NDST2: variants seen among roughly 807,000 people sequenced by gnomAD.
NDST2 encodes bifunctional heparan sulfate N-deacetylase/N-sulfotransferase 2.
A neutral mutation model predicts 86.9 loss-of-function variants in NDST2; 32 were observed. That is an observed-to-expected ratio of 0.37 (90% confidence interval 0.28 to 0.49). The LOEUF is 0.49. Ranked by LOEUF, NDST2 falls within the 20% of genes least tolerant of loss-of-function variation. The pLI is 0.97. For synonymous variants in NDST2, 409 were observed against 437.0 expected (o/e 0.94, Z 0.80); for missense variants, 950 against 1,146.9 (o/e 0.83, Z 2.48).
chr10:73,803,943 A>C lies in NDST2; in HGVS notation c.1917T>G (p.Phe639Leu). The change falls in exon 10 of 15, where the codon TTT (phenylalanine) becomes TTG (leucine). Residue 639 changes from phenylalanine to leucine, a missense_variant. By Grantham distance (22) the Phe-to-Leu change is conservative. Around this residue, in one of 5 missense-constraint regions of NDST2, gnomAD observed 303 missense variants for 323.7 expected, o/e 0.94. Transcript: ENST00000309979. ...GGCTGTTGAAGAACTGAATCTCCTC[A>C]AATGTGCTGGGGCTAGGGAAGCTGC... ...VTSSFPSPST[F>L]EEIQFFNSPN... 6.2e-7 allele frequency: 1 copy of C among 1,614,150 alleles called. No individual in the cohort carries two copies. Among genetic ancestry groups the C allele is most frequent in the Non-Finnish European group, 8.5e-7 (1 of 1,180,024 alleles).
intron 2 of NDST2, chr10:73,809,147 C>T (rs1204352557): frequency 2.6e-5 from 4 of 152,204 alleles, no homozygotes; most frequent in Non-Finnish European, 5.9e-5. Context: ...CGGAAAGCCC[C>T]GGAAGTCTTC....
At chr10:73,810,182 G>C (rs1200168712) in intron 2 of NDST2, among the ~76,000 whole-genome samples, 2 of 152,184 alleles carry the variant, frequency 1.3e-5, no homozygotes, top group East Asian at 3.8e-4. Flanking sequence ...GTTCAGGACA[G>C]GCGTGGTGCC....
intron 2 of NDST2, among the ~76,000 whole-genome samples, chr10:73,809,592 G>C (rs572833893): frequency 1.3e-5 from 2 of 152,290 alleles, no homozygotes; most frequent in African/African-American, 4.8e-5. Flanking sequence ...ATGAGGTATT[G>C]AGTCCAGTTA....
intron 9 of NDST2, 38 bp from the exon 10 acceptor site, chr10:73,804,054 GT>G: frequency 6.2e-7 from 1 of 1,607,856 alleles, no homozygotes; most frequent in Non-Finnish European, 8.5e-7. Context: ...GGCAGCCATT[GT>G]GGGAGGGAAG....
rs554613597 is a variant in NDST2 at position 73,802,137 on chromosome 10, C to T, written c.*314G>A. On this transcript the variant is annotated 3_prime_UTR_variant, in exon 15 of 15. Transcript: ENST00000309979. ...CAGGTATAGAATAGATACACTGCTG[C>T]GGATGAAGAGGGAAATCTCATTGGA... The T allele has an allele frequency of 2.1e-4, 95 of 452,466 alleles. No homozygotes were observed. In the Middle Eastern group the frequency reaches 2.4e-3, roughly 12 times the overall value. 28.0% of individuals were successfully genotyped at this position (452,466 alleles called of 1,614,324 possible).
rs375707657 is a variant in NDST2, at chr10:73,806,026, C to T, written c.1437G>A (p.Val479=). 7 of 1,612,062 alleles carry T rather than the reference C, an allele frequency of 4.3e-6. No individual in the cohort carries two copies. The highest frequency in any genetic ancestry group is 1.3e-5 in the African/African-American group (1 of 74,706). The change falls in exon 7 of 15, where the codon GTG becomes GTA. Residue 479 remains valine (V), a splice_region_variant and synonymous_variant. Coordinates refer to ENST00000309979, the MANE Select transcript of NDST2 (RefSeq NM_003635.4). The surrounding 1 kb of genome is among the most constrained non-coding windows in gnomAD (Gnocchi z 4.5). ...RRGFIHNGIM[V]LPRQTCGLFT... is the part of the protein sequence containing the mutation. ...AGAGGCCACATGTCTGCCGGGGCAG[C>T]ACCTGGAGGGAAAAGAAAAAACAGA... is the stretch of plus-strand genomic sequence containing the variant.
Position 73,803,028 on chromosome 10 carries a change from C to G in NDST2, c.2367G>C (p.Glu789Asp), listed in dbSNP as rs748161399. The G allele has an allele frequency of 6.8e-6, 11 of 1,614,222 alleles. No individual in the cohort carries two copies. The East Asian group carries it at 2.0e-4, about 29-fold the overall frequency. ...TGATACCCAGGAACTTCTGGATGCT[C>G]TCCATTGAGGCTGCTGGGTTGGTAC... ...ELRTNPAASM[E>D]SIQKFLGITP... Residue 789 changes from glutamate to aspartate, a missense_variant, in exon 13 of 15, where the codon GAG becomes GAC. Around this residue, in one of 5 missense-constraint regions of NDST2, gnomAD observed 303 missense variants for 323.7 expected, o/e 0.94. Transcript: ENST00000309979.
At position 73,807,988 on chromosome 10, in the gene NDST2, C is replaced by A. The variant is rs774379199; in HGVS notation, c.401G>T (p.Arg134Leu). 1.9e-6 allele frequency: 3 copies of A among 1,614,112 alleles called. No homozygotes were observed. The highest frequency in any genetic ancestry group is 1.7e-5 in the Admixed American group (1 of 60,014). Residue 134 changes from arginine (R) to leucine (L), a missense_variant, in exon 3 of 15, where the codon CGC (arginine) becomes CTC (leucine). Around this residue, in one of 5 missense-constraint regions of NDST2, gnomAD observed 586 missense variants for 714.0 expected, o/e 0.82. Transcript: ENST00000309979. ...GTTCTCATAAATGACCAAGACATAG[C>A]GGCCATGGGTATTATCAGTCAATGT... The part of the protein sequence containing the change: ...MPTLTDNTHG[R>L]YVLVIYENLL...
intron 1 of NDST2, 90 bp from the exon 2 acceptor site, chr10:73,810,993 G>GT (rs2132883481): frequency 2.5e-6 from 1 of 397,272 alleles, no homozygotes; most frequent in East Asian, 3.6e-5. Flanking sequence ...GCTGGGCGGG[G>GT]TGGGTGTGTG....
At position 73,806,522 on chromosome 10, in the gene NDST2, T is replaced by TAG; in HGVS notation, c.1249-50_1249-49dup. ...CCAGGACCTGGTGAGGTTTGGGGAG[T>TAG]AGAGGGTAAAGAGGGTGGGGAAGCC... On this transcript the variant is annotated intron_variant, in intron 5 of 14. Transcript: ENST00000309979. The surrounding 1 kb of genome is among the most constrained non-coding windows in gnomAD (Gnocchi z 4.5). The TAG allele has an allele frequency of 6.4e-7, 1 of 1,551,094 alleles. No individual in the cohort carries two copies. Among genetic ancestry groups the TAG allele is most frequent in the East Asian group, 2.3e-5 (1 of 44,150 alleles).
Position 73,806,320 on chromosome 10 carries a change from T to C in NDST2, c.1403A>G (p.Tyr468Cys), listed in dbSNP as rs1004501714. ...GCCATTGTGAATGAAGCCACGGCGG[T>C]AGCGGGCAGGGCGGAGATGGGGATA... is the stretch of plus-strand genomic sequence containing the variant. Reference protein sequence around the residue: ...EEYPHLRPARYRRGFIHNGIM... With the variant: ...EEYPHLRPARCRRGFIHNGIM... The change falls in exon 6 of 15, where the codon TAC becomes TGC. Residue 468 changes from tyrosine (Y) to cysteine (C), a missense_variant. By Grantham distance (194) the Tyr-to-Cys change is radical (BLOSUM62 -2). Coordinates refer to ENST00000309979, the MANE Select transcript of NDST2 (RefSeq NM_003635.4). This position sits in a 1 kb window ranked among gnomAD's most constrained non-coding sequence, Gnocchi z 4.5. 1.2e-6 allele frequency: 2 copies of C among 1,612,548 alleles called. No individual in the cohort carries two copies. The highest frequency in any genetic ancestry group is 1.7e-4 in the Middle Eastern group (1 of 6,006).
chr10:73,806,465 T>G lies in NDST2; in HGVS notation c.1258A>C (p.Ile420Leu). The G allele has an allele frequency of 8.8e-6, 14 of 1,588,326 alleles. No homozygotes were observed. The highest frequency in any genetic ancestry group is 1.2e-5 in the Non-Finnish European group (14 of 1,164,932). Reference sequence around the variant, plus strand: ...ACAGCATACCCCAGGTCCGTGGGAATCCCATGCTCCTGGGAATGGCATAGA... The same window carrying G: ...ACAGCATACCCCAGGTCCGTGGGAAGCCCATGCTCCTGGGAATGGCATAGA... ...LNKQFALEHG[I>L]PTDLGYAVAP... The change falls in exon 6 of 15, where the codon ATT (isoleucine) becomes CTT (leucine). Residue 420 changes from isoleucine to leucine, a missense_variant. Ile to Leu is a conservative substitution (Grantham distance 5, BLOSUM62 2). Coordinates refer to ENST00000309979, the MANE Select transcript of NDST2 (RefSeq NM_003635.4). The surrounding 1 kb of genome is among the most constrained non-coding windows in gnomAD (Gnocchi z 4.5).
At chr10:73,809,892 C>G (rs151330162) in intron 2 of NDST2, among the ~76,000 whole-genome samples, 93 of 152,254 alleles carry the variant, frequency 6.1e-4, no homozygotes, top group Middle Eastern at 6.8e-3. Flanking sequence ...ACCACCACAC[C>G]CTACTAATTT....
rs1004113001 is a variant in NDST2, at chr10:73,806,196, G to A, written c.1434+93C>T. ...CCCCCAATTATGTACCCCCATACTT[G>A]GACTGGCAGTTGATAGAGAACATAG... On this transcript the variant is annotated intron_variant, in intron 6 of 14. Coordinates refer to ENST00000309979, the MANE Select transcript of NDST2 (RefSeq NM_003635.4). This position sits in a 1 kb window ranked among gnomAD's most constrained non-coding sequence, Gnocchi z 4.5. The A allele has an allele frequency of 1.3e-6, 2 of 1,561,902 alleles. No individual in the cohort carries two copies. The highest frequency in any genetic ancestry group is 1.8e-6 in the Non-Finnish European group (2 of 1,137,388).
In NDST2 at chr10:73,806,467, C is replaced by T. The variant is rs780671113; in HGVS notation, c.1256G>A (p.Gly419Glu). The change falls in exon 6 of 15, where the codon GGG (glycine) becomes GAG (glutamate). Residue 419 changes from glycine (G) to glutamate (E), a missense_variant. Coordinates refer to ENST00000309979, the MANE Select transcript of NDST2 (RefSeq NM_003635.4). The surrounding 1 kb of genome is among the most constrained non-coding windows in gnomAD (Gnocchi z 4.5). ...AGCATACCCCAGGTCCGTGGGAATC[C>T]CATGCTCCTGGGAATGGCATAGACT... is the stretch of plus-strand genomic sequence containing the variant. ...RLNKQFALEH[G>E]IPTDLGYAVA... 28 of 1,587,606 alleles carry T rather than the reference C, an allele frequency of 1.8e-5. No individual in the cohort carries two copies. The Admixed American group carries it at 4.7e-4, about 26-fold the overall frequency.
intron 11 of NDST2, 57 bp downstream of exon 11, chr10:73,803,517 T>TGGGGGGGGGGGGCGGC: frequency 8.4e-7 from 1 of 1,189,314 alleles, no homozygotes; most frequent in Non-Finnish European, 1.2e-6. Context: ...TAGCAGTCAC[T>TGGGGGGGGGGGGCGGC]GTCCCCTCCC....
Position 73,808,530 on chromosome 10 carries a change from G to A in NDST2, c.-142C>T. 1.2e-6 allele frequency: 1 copy of A among 825,442 alleles called. No individual in the cohort carries two copies. The highest frequency in any genetic ancestry group is 1.8e-5 in the African/African-American group (1 of 56,890). 51.1% of individuals were successfully genotyped at this position (825,442 alleles called of 1,614,324 possible). On this transcript the variant is annotated 5_prime_UTR_variant, in exon 3 of 15. Transcript: ENST00000309979. The surrounding 1 kb of genome is among the most constrained non-coding windows in gnomAD (Gnocchi z 4.3). ...TTCCCTTGGGGAGTTTCCTTTACGA[G>A]GTGGAGACGAGTCCCCTTAGCATAG...
In NDST2 at chr10:73,806,965, T is replaced by G; in HGVS notation, c.1093+143A>C. Reference sequence around the variant, plus strand: ...TGCCATCCAGCCACCCATGCGAACCTAAATTCATGCCCACCACTAGCTCCT... The same window carrying G: ...TGCCATCCAGCCACCCATGCGAACCGAAATTCATGCCCACCACTAGCTCCT... On this transcript the variant is annotated intron_variant, in intron 4 of 14. Transcript: ENST00000309979. This position sits in a 1 kb window ranked among gnomAD's most constrained non-coding sequence, Gnocchi z 4.5. 1 of 1,439,790 alleles carries G rather than the reference T, an allele frequency of 6.9e-7. No homozygotes were observed. Among genetic ancestry groups the G allele is most frequent in the South Asian group, 1.2e-5 (1 of 81,162 alleles). The allele number at this position is 1,439,790 out of a possible 1,614,324, so 89.2% of individuals were successfully genotyped here.
At chr10:73,810,269 C>T (rs1479227625) in intron 2 of NDST2, among the ~76,000 whole-genome samples, 2 of 152,046 alleles carry the variant, frequency 1.3e-5, no homozygotes, top group African/African-American at 2.4e-5. Context: ...ACCAGCCTGG[C>T]CAACATGGTG....
Sources: gnomAD v4.1 joint callset for allele counts (sites outside exome capture counted in the v4.1 genomes callset) on GRCh38, gnomAD v4.1.1 for gene constraint, gnomAD v4.1.1 regional missense constraint, Gnocchi (gnomAD v3.1) non-coding constraint, MANE v1.5 for transcripts, NCBI Gene and HGNC (gene_info 2026-07-23, HGNC 2026-07-21) for gene names.